Variants in GABRB2 observed in about 807,000 individuals in gnomAD.
The protein encoded by GABRB2 is gamma-aminobutyric acid receptor subunit beta-2.
In GABRB2, 16 loss-of-function variants were observed where a neutral mutation model predicts 54.7. That is an observed-to-expected ratio of 0.29 (90% CI 0.20 to 0.44). The LOEUF is 0.44. GABRB2 is among the 20% of genes least tolerant of loss of function. GABRB2 has a pLI of 1.00. For missense variants in GABRB2, 355 were observed against 644.0 expected (o/e 0.55, Z 4.86); for synonymous variants, 244 against 233.8 (o/e 1.04, Z -0.40).
At chr5:161,393,039 G>A (rs1755877894) in intron 5 of GABRB2, among the ~76,000 whole-genome samples, 1 of 151,376 alleles carries the variant, frequency 6.6e-6, no homozygotes, top group Non-Finnish European at 1.5e-5. Flanking sequence ...ACTGCCAGAA[G>A]GACCAAATAA....
chr5:161,485,828 C>G (rs1354857420), intron 3 of GABRB2, among the ~76,000 whole-genome samples: 2 of 151,830 alleles, frequency 1.3e-5, no homozygotes, highest in Non-Finnish European at 2.9e-5. Context: ...AATCTGTTTT[C>G]CTTTACACCC....
At chr5:161,319,862 G>A (rs1017625059) in intron 9 of GABRB2, among the ~76,000 whole-genome samples, 2 of 151,328 alleles carry the variant, frequency 1.3e-5, no homozygotes, top group South Asian at 4.2e-4. Context: ...TTAGTTAATT[G>A]GTCGTTTTTC....
At chr5:161,484,777 T>A (rs1028645635) in intron 3 of GABRB2, among the ~76,000 whole-genome samples, 1 of 151,968 alleles carries the variant, frequency 6.6e-6, no homozygotes, top group Non-Finnish European at 1.5e-5. Context: ...ACAACTAGTC[T>A]CACTTCATCT....
intron 5 of GABRB2, among the ~76,000 whole-genome samples, chr5:161,372,227 A>C (rs945564869): frequency 6.6e-5 from 10 of 152,250 alleles, no homozygotes; most frequent in African/African-American, 2.4e-4. Context: ...TTGAACTTGC[A>C]ACTTCTCTTT....
intron 3 of GABRB2, among the ~76,000 whole-genome samples, chr5:161,476,283 T>C (rs1758589188): frequency 6.6e-6 from 1 of 151,758 alleles, no homozygotes. Context: ...GATAAAGAAA[T>C]TAAAGACACA....
rs375475735 is a variant in GABRB2, at chr5:161,383,388, A to G, written c.541+27587T>C. ...TCTTTCTTTTTTTTTCAATTTTTCTAAATTTTTATTATGGATGATTCCAAA... is the reference window on the plus strand; with the variant it reads ...TCTTTCTTTTTTTTTCAATTTTTCTGAATTTTTATTATGGATGATTCCAAA... On this transcript the variant is annotated intron_variant, in intron 5 of 9. Transcript: ENST00000393959. Among the ~76,000 whole-genome samples the G allele has an allele frequency of 1.2e-4, 18 of 151,822 alleles. No individual in the cohort carries two copies. The East Asian group carries it at 1.9e-3, about 16-fold the overall frequency.
rs533308700 is a variant in GABRB2, at chr5:161,393,299, T to TAAAAAAAAAAAAAAAAA, written c.541+17659_541+17675dup. Among the ~76,000 whole-genome samples, 3 of 40,248 alleles carry TAAAAAAAAAAAAAAAAA rather than the reference T, an allele frequency of 7.5e-5. 1 individual carries two copies. The highest frequency in any genetic ancestry group is 1.7e-4 in the African/African-American group (2 of 11,636). The allele number at this position is 40,248 out of a possible 152,430, so 26.4% of individuals were successfully genotyped here. Reference sequence around the variant, plus strand: ...TCCCTTTTATAACTCTTTAAAAATGTAAAAAAAAAAAAAAAAAAAAAAAAA... The same window carrying TAAAAAAAAAAAAAAAAA: ...TCCCTTTTATAACTCTTTAAAAATGTAAAAAAAAAAAAAAAAAAAAAAAAAAAAAAAAAAAAAAAAAA... On this transcript the variant is annotated intron_variant, in intron 5 of 9. Transcript: ENST00000393959.
chr5:161,477,636 T>C (rs1361329626), intron 3 of GABRB2, among the ~76,000 whole-genome samples: 1 of 151,926 alleles, frequency 6.6e-6, no homozygotes, highest in African/African-American at 2.4e-5. Context: ...CTTAAAAAGA[T>C]AGATATTCTG....
chr5:161,408,573 T>A (rs189796350), intron 5 of GABRB2, among the ~76,000 whole-genome samples: 33 of 152,242 alleles, frequency 2.2e-4, no homozygotes, highest in Admixed American at 1.6e-3. Flanking sequence ...AGTCAGGTTA[T>A]GTTATCCTCT....
intron 2 of GABRB2, among the ~76,000 whole-genome samples, chr5:161,545,666 G>A (rs1020960808): frequency 2.7e-5 from 4 of 150,348 alleles, no homozygotes; most frequent in African/African-American, 9.8e-5. Context: ...ACCCCCTTCT[G>A]TGCACAGGTT....
In GABRB2 at chr5:161,546,557, G is replaced by T; in HGVS notation, c.77+10C>A. 6.3e-7 allele frequency: 1 copy of T among 1,592,466 alleles called. No homozygotes were observed. The highest frequency in any genetic ancestry group is 8.6e-7 in the Non-Finnish European group (1 of 1,167,494). On this transcript the variant is annotated intron_variant, in intron 1 of 9. Coordinates refer to ENST00000393959, the MANE Select transcript of GABRB2 (RefSeq NM_001371727.1). ...TGAGAACGGAAAAGAGAAACGCTGG[G>T]CACACTTACCTCTGCGCACAGACAG...
chr5:161,332,762 C>G (rs1208590944), intron 7 of GABRB2, among the ~76,000 whole-genome samples: 1 of 152,094 alleles, frequency 6.6e-6, no homozygotes, highest in Non-Finnish European at 1.5e-5. Context: ...TGGGGGGACA[C>G]AGTTTTCTGA....
chr5:161,375,679 T>C (rs891014202), intron 5 of GABRB2, among the ~76,000 whole-genome samples: 2 of 152,206 alleles, frequency 1.3e-5, no homozygotes, highest in African/African-American at 4.8e-5. Flanking sequence ...AGAATAACTA[T>C]TACTTCAGTT....
rs562609837 is a variant in GABRB2, at chr5:161,386,663, G to T, written c.541+24312C>A. ...ACTGATTCTACCCATCCTCGCCCCA[G>T]TGCTCCCTTATGTGGGACTACAGGC... is the stretch of plus-strand genomic sequence containing the variant. On this transcript the variant is annotated intron_variant, in intron 5 of 9. Coordinates refer to ENST00000393959, the MANE Select transcript of GABRB2 (RefSeq NM_001371727.1). 7.9e-5 allele frequency among the ~76,000 whole-genome samples: 12 copies of T among 151,952 alleles called. No individual in the cohort carries two copies. The South Asian group carries it at 2.5e-3, about 32-fold the overall frequency.
chr5:161,487,306 T>A (rs1211388606), intron 3 of GABRB2, among the ~76,000 whole-genome samples: 2 of 151,884 alleles, frequency 1.3e-5, no homozygotes, highest in Non-Finnish European at 2.9e-5. Context: ...CCTTCAATAC[T>A]TTTCCCAAAG....
intron 3 of GABRB2, among the ~76,000 whole-genome samples, chr5:161,485,032 T>C (rs542851503): frequency 5.7e-4 from 86 of 152,120 alleles, no homozygotes; most frequent in African/African-American, 2.0e-3. Flanking sequence ...GATCTTTGCA[T>C]AAGCTGTTTC....
chr5:161,314,071 CTG>C (rs1757954258), intron 9 of GABRB2, among the ~76,000 whole-genome samples: 1 of 152,240 alleles, frequency 6.6e-6, no homozygotes, highest in Admixed American at 6.5e-5. Flanking sequence ...CAGCCCATGT[CTG>C]TGGCTTCAGA....
intron 3 of GABRB2, among the ~76,000 whole-genome samples, chr5:161,540,458 C>A (rs1760776630): frequency 1.3e-5 from 2 of 152,220 alleles, no homozygotes; most frequent in African/African-American, 4.8e-5. Context: ...ACCTCAAAGT[C>A]ATTCATGAGA....
intron 5 of GABRB2, among the ~76,000 whole-genome samples, chr5:161,349,759 C>G (rs1754420208): frequency 6.6e-6 from 1 of 152,054 alleles, no homozygotes; most frequent in African/African-American, 2.4e-5. Flanking sequence ...TTCCAACAGC[C>G]TGCAGGAAAC....
Sources: gnomAD v4.1 joint callset for allele counts (sites outside exome capture counted in the v4.1 genomes callset) on GRCh38, gnomAD v4.1.1 for gene constraint, MANE v1.5 for transcripts, NCBI Gene and HGNC (gene_info 2026-07-23, HGNC 2026-07-21) for gene names.